The following DGKI variants were observed in gnomAD, a reference collection of about 807,000 sequenced individuals.
DGKI encodes DAG kinase iota.
Under a neutral mutation model 147.5 loss-of-function variants are expected in DGKI, and 55 were observed. The ratio of observed to expected loss-of-function variants is 0.37; its 90% CI spans 0.30 to 0.47. The LOEUF is 0.47. DGKI is among the 20% of genes least tolerant of loss of function. The pLI is 1.00. For missense variants in DGKI, 1,007 were observed against 1,323.8 expected, an observed-to-expected ratio of 0.76 and a Z score of 3.71; for synonymous variants, 469 against 477.1, an observed-to-expected ratio of 0.98 and a Z score of 0.22.
At chr7:137,483,404 G>T (rs1388612273) in intron 23 of DGKI, among the ~76,000 whole-genome samples, 1 of 152,028 alleles carries the variant, frequency 6.6e-6, no homozygotes, top group Non-Finnish European at 1.5e-5. Flanking sequence ...AATTGTTAGA[G>T]ATCAGCTCTT....
chr7:137,466,141 G>T, intron 25 of DGKI, 106 bp from the exon 26 acceptor site: 1 of 1,372,452 alleles, frequency 7.3e-7, no homozygotes, highest in Non-Finnish European at 1.0e-6. Context: ...ACACTGTGTT[G>T]TCAGAAGCTT....
chr7:137,461,667 A>G (rs767172391), intron 27 of DGKI, among the ~76,000 whole-genome samples: 1 of 152,184 alleles, frequency 6.6e-6, no homozygotes, highest in Non-Finnish European at 1.5e-5. Context: ...TTGTTCCACA[A>G]TGTCTGGAGA....
chr7:137,472,045 G>T (rs1163989570), intron 23 of DGKI, among the ~76,000 whole-genome samples: 4 of 128,006 alleles, frequency 3.1e-5, no homozygotes, highest in Admixed American at 2.6e-4. Flanking sequence ...CACTATATAT[G>T]TATATATGTT....
intron 23 of DGKI, among the ~76,000 whole-genome samples, chr7:137,481,199 C>T (rs1328510768): frequency 5.3e-5 from 8 of 152,042 alleles, no homozygotes; most frequent in Non-Finnish European, 1.2e-4. Flanking sequence ...TCAGACCTTG[C>T]CAAATGTCCC....
intron 1 of DGKI, among the ~76,000 whole-genome samples, chr7:137,701,399 G>A (rs1480792695): frequency 2.0e-5 from 3 of 151,808 alleles, no homozygotes; most frequent in Non-Finnish European, 4.4e-5. Flanking sequence ...ATATTGGGAA[G>A]GAAAAAGTAA....
chr7:137,498,895 T>C (rs1447700749), intron 21 of DGKI, among the ~76,000 whole-genome samples: 2 of 152,138 alleles, frequency 1.3e-5, no homozygotes, highest in Non-Finnish European at 2.9e-5. Context: ...TGTGATAATA[T>C]ATTCATTTGA....
chr7:137,829,605 A>G (rs1035350725), intron 1 of DGKI, among the ~76,000 whole-genome samples: 1 of 152,238 alleles, frequency 6.6e-6, no homozygotes, highest in Non-Finnish European at 1.5e-5. Context: ...AAGGAACCGG[A>G]TTTCAAATTT....
intron 2 of DGKI, among the ~76,000 whole-genome samples, chr7:137,684,841 AG>A (rs1823363209): frequency 6.6e-6 from 1 of 152,158 alleles, no homozygotes; most frequent in Non-Finnish European, 1.5e-5. Context: ...GACCTGATGA[AG>A]AGGGGGGCCT....
intron 1 of DGKI, among the ~76,000 whole-genome samples, chr7:137,762,994 C>T (rs1225310740): frequency 1.3e-5 from 2 of 152,206 alleles, no homozygotes; most frequent in Non-Finnish European, 2.9e-5. Flanking sequence ...TTTTCCCTCC[C>T]AATTTCATAT....
chr7:137,762,940 A>G (rs944905389), intron 1 of DGKI, among the ~76,000 whole-genome samples: 1 of 152,240 alleles, frequency 6.6e-6, no homozygotes, highest in Non-Finnish European at 1.5e-5. Flanking sequence ...TTGTCCAGCT[A>G]TTCATATCTG....
intron 14 of DGKI, among the ~76,000 whole-genome samples, chr7:137,582,745 A>G (rs1819249043): frequency 6.6e-6 from 1 of 152,158 alleles, no homozygotes; most frequent in South Asian, 2.1e-4. Context: ...ATCCTGCATT[A>G]AAACTGCAAA....
chr7:137,638,617 C>CATATATGTATATATGTGTATAT (rs1563125886), intron 6 of DGKI, among the ~76,000 whole-genome samples: 1 of 5,596 alleles, frequency 1.8e-4, no homozygotes, highest in African/African-American at 4.0e-4. Flanking sequence ...TATATACACA[C>CATATATGTATATATGTGTATAT]ACACATATAT....
chr7:137,768,444 C>T (rs545452862), intron 1 of DGKI, among the ~76,000 whole-genome samples: 6 of 152,256 alleles, frequency 3.9e-5, no homozygotes, highest in South Asian at 4.2e-4. Flanking sequence ...TAAATAGCTT[C>T]GTCACACTGA....
At chr7:137,694,073 G>A (rs1256855784) in intron 1 of DGKI, among the ~76,000 whole-genome samples, 2 of 152,154 alleles carry the variant, frequency 1.3e-5, no homozygotes, top group East Asian at 1.9e-4. Flanking sequence ...TGTAATCCCA[G>A]CACTTTGGGA....
At position 137,578,260 on chromosome 7, in the gene DGKI, G is replaced by A. The variant is rs1440355435; in HGVS notation, c.1698+10C>T. 9 of 1,594,018 alleles carry A rather than the reference G, an allele frequency of 5.6e-6. No individual in the cohort carries two copies. The highest frequency in any genetic ancestry group is 2.2e-5 in the East Asian group (1 of 44,774). Reference sequence around the variant, plus strand: ...ATATGTAGTAATTATGAAATAAAATGTATACCTACCCCTGCATAGAACATT... The same window carrying A: ...ATATGTAGTAATTATGAAATAAAATATATACCTACCCCTGCATAGAACATT... On this transcript the variant is annotated intron_variant, in intron 16 of 32. Transcript: ENST00000614521.
chr7:137,450,786 T>C (rs1490436036), intron 27 of DGKI, among the ~76,000 whole-genome samples: 2 of 151,184 alleles, frequency 1.3e-5, no homozygotes, highest in South Asian at 2.1e-4. Context: ...TATCTTTATA[T>C]ATACACATAT....
At chr7:137,452,382 T>C (rs772707030) in intron 27 of DGKI, among the ~76,000 whole-genome samples, 3 of 152,196 alleles carry the variant, frequency 2.0e-5, no homozygotes, top group Non-Finnish European at 4.4e-5. Context: ...CTTCATTTTC[T>C]GGCTACCATC....
At chr7:137,457,848 A>AT (rs1440396760) in intron 27 of DGKI, among the ~76,000 whole-genome samples, 4 of 151,348 alleles carry the variant, frequency 2.6e-5, no homozygotes, top group Non-Finnish European at 2.9e-5. Flanking sequence ...TAATAAGCCT[A>AT]TTTTTTTTCT....
intron 20 of DGKI, among the ~76,000 whole-genome samples, chr7:137,531,750 T>C (rs926535584): frequency 1.3e-5 from 2 of 152,174 alleles, no homozygotes; most frequent in African/African-American, 4.8e-5. Flanking sequence ...TAAATTCACT[T>C]TCGTTGCTAA....
Sources: gnomAD v4.1 joint callset for allele counts (sites outside exome capture counted in the v4.1 genomes callset) on GRCh38, gnomAD v4.1.1 for gene constraint, MANE v1.5 for transcripts, NCBI Gene and HGNC (gene_info 2026-07-23, HGNC 2026-07-21) for gene names.